Variants in CAMK1D observed in about 807,000 individuals in gnomAD.
The protein encoded by CAMK1D is calcium/calmodulin dependent protein kinase ID.
CAMK1D carries 9 observed loss-of-function variants against 47.7 expected under a neutral mutation model. The observed-to-expected ratio is 0.19, with a 90% confidence interval of 0.11 to 0.33. The LOEUF is 0.33. CAMK1D is among the 10% of genes least tolerant of loss of function. The pLI, the probability that CAMK1D is intolerant of heterozygous loss-of-function variation, is 1.00. For synonymous variants in CAMK1D, 184 were observed against 184.9 expected, an observed-to-expected ratio of 0.99 and a Z score of 0.04; for missense variants, 291 against 488.7, an observed-to-expected ratio of 0.60 and a Z score of 3.81.
At chr10:12,435,626 C>CAGGCTT (rs1461716948) in intron 1 of CAMK1D, among the ~76,000 whole-genome samples, 1 of 152,150 alleles carries the variant, frequency 6.6e-6, no homozygotes, top group Non-Finnish European at 1.5e-5. Flanking sequence ...TGGTCATCTC[C>CAGGCTT]AGGCTTTTCC....
At chr10:12,398,338 G>C (rs1588441840) in intron 1 of CAMK1D, among the ~76,000 whole-genome samples, 1 of 152,000 alleles carries the variant, frequency 6.6e-6, no homozygotes, top group Non-Finnish European at 1.5e-5. Flanking sequence ...TATTTTCAAA[G>C]CTTCTTGTAT....
intron 1 of CAMK1D, among the ~76,000 whole-genome samples, chr10:12,525,232 G>T (rs1386885037): frequency 6.6e-6 from 1 of 152,150 alleles, no homozygotes; most frequent in South Asian, 2.1e-4. Flanking sequence ...TTTTGCTTGG[G>T]ATTTGATGAA....
At chr10:12,508,442 G>A (rs1332293660) in intron 1 of CAMK1D, among the ~76,000 whole-genome samples, 1 of 152,214 alleles carries the variant, frequency 6.6e-6, no homozygotes, top group East Asian at 1.9e-4. Flanking sequence ...CAGGTACCCA[G>A]AATAGACAAC....
At chr10:12,791,831 T>C (rs943911145) in intron 6 of CAMK1D, among the ~76,000 whole-genome samples, 1 of 152,220 alleles carries the variant, frequency 6.6e-6, no homozygotes, top group African/African-American at 2.4e-5. Flanking sequence ...GGGGTTTCTA[T>C]CTAGAAGTGG....
chr10:12,485,804 C>T (rs1834196190), intron 1 of CAMK1D, among the ~76,000 whole-genome samples: 2 of 152,228 alleles, frequency 1.3e-5, no homozygotes, highest in East Asian at 3.9e-4. Context: ...ATTTTTTTCC[C>T]AGCATATTAA....
chr10:12,817,188 G>A (rs1832834936), intron 8 of CAMK1D, among the ~76,000 whole-genome samples: 1 of 152,220 alleles, frequency 6.6e-6, no homozygotes, highest in Non-Finnish European at 1.5e-5. Flanking sequence ...GGGAATTCAA[G>A]ATGAGATTTG....
intron 1 of CAMK1D, among the ~76,000 whole-genome samples, chr10:12,446,970 A>G (rs184164863): frequency 3.9e-5 from 6 of 152,314 alleles, no homozygotes; most frequent in African/African-American, 1.4e-4. Context: ...GAGTGTCCCA[A>G]CTGGCAGCTT....
chr10:12,727,334 G>A (rs536121045), intron 3 of CAMK1D, among the ~76,000 whole-genome samples: 37 of 152,300 alleles, frequency 2.4e-4, no homozygotes, highest in African/African-American at 8.7e-4. Context: ...AATCATTTAG[G>A]GCAAAGCAGG....
chr10:12,583,782 G>T (rs1267823644), intron 2 of CAMK1D, among the ~76,000 whole-genome samples: 1 of 151,954 alleles, frequency 6.6e-6, no homozygotes, highest in African/African-American at 2.4e-5. Flanking sequence ...TGTATTTTTA[G>T]TAGAGATGGG....
At chr10:12,389,530 G>A (rs1362938631) in intron 1 of CAMK1D, among the ~76,000 whole-genome samples, 1 of 152,082 alleles carries the variant, frequency 6.6e-6, no homozygotes, top group East Asian at 1.9e-4. Context: ...CCTAGTTACT[G>A]TGCCTCTCTG....
At chr10:12,747,612 GC>G (rs1276069160) in intron 3 of CAMK1D, among the ~76,000 whole-genome samples, 1 of 152,180 alleles carries the variant, frequency 6.6e-6, no homozygotes, top group African/African-American at 2.4e-5. Flanking sequence ...ATAGGCATGA[GC>G]CACTGCACCT....
chr10:12,692,862 A>G (rs1318093113), intron 3 of CAMK1D, among the ~76,000 whole-genome samples: 1 of 152,232 alleles, frequency 6.6e-6, no homozygotes, highest in Non-Finnish European at 1.5e-5. Flanking sequence ...AATAGGAATT[A>G]GCAGTGAATA....
At chr10:12,615,677 GTA>G (rs1838771417) in intron 2 of CAMK1D, among the ~76,000 whole-genome samples, 2 of 147,060 alleles carry the variant, frequency 1.4e-5, no homozygotes, top group Non-Finnish European at 1.5e-5. Flanking sequence ...GTGTATTTGT[GTA>G]TAGGTGTGTG....
chr10:12,764,206 C>G (rs1227481501), intron 4 of CAMK1D, among the ~76,000 whole-genome samples: 2 of 152,020 alleles, frequency 1.3e-5, no homozygotes. Context: ...CATGGTGAAA[C>G]CCCATCTCTA....
chr10:12,669,445 G>A (rs554030900), intron 3 of CAMK1D, among the ~76,000 whole-genome samples: 1 of 152,110 alleles, frequency 6.6e-6, no homozygotes, highest in African/African-American at 2.4e-5. Flanking sequence ...AGTTCAGAAG[G>A]TTTATTTATA....
Position 12,709,003 on chromosome 10 carries a change from C to T in CAMK1D, c.299+42193C>T, listed in dbSNP as rs191471884. On this transcript the variant is annotated intron_variant, in intron 3 of 10. Coordinates refer to ENST00000619168, the MANE Select transcript of CAMK1D (RefSeq NM_153498.4). ...TCAGCCAAGGGAGCAGGCACCCATG[C>T]CCTGGGGCCTGAACTGTGGCATGGG... Among the ~76,000 whole-genome samples, 843 of 152,314 alleles carry T rather than the reference C, an allele frequency of 5.5e-3. 8 individuals are homozygous for T. Among genetic ancestry groups the T allele is most frequent in the African/African-American group, 0.018 (764 of 41,568 alleles).
intron 1 of CAMK1D, among the ~76,000 whole-genome samples, chr10:12,494,230 TAGA>T (rs1343508597): frequency 6.6e-6 from 1 of 152,186 alleles, no homozygotes; most frequent in African/African-American, 2.4e-5. Context: ...AGAGAAATGC[TAGA>T]AGAAGCTTAA....
chr10:12,432,162 A>G lies in CAMK1D; in HGVS notation c.92+82252A>G, dbSNP rs564881209. Among the ~76,000 whole-genome samples, 19 of 152,306 alleles carry G rather than the reference A, an allele frequency of 1.2e-4. No homozygotes were observed. In the South Asian group the frequency reaches 3.3e-3, roughly 27 times the overall value. ...TGGGAGCTCTAATTTGCCTTTGGAGATGGTGATAGGGAGAGTGGGAATCAT... is the reference window on the plus strand; with the variant it reads ...TGGGAGCTCTAATTTGCCTTTGGAGGTGGTGATAGGGAGAGTGGGAATCAT... On this transcript the variant is annotated intron_variant, in intron 1 of 10. Coordinates refer to ENST00000619168, the MANE Select transcript of CAMK1D (RefSeq NM_153498.4).
At chr10:12,696,348 C>G (rs925425970) in intron 3 of CAMK1D, among the ~76,000 whole-genome samples, 2 of 152,034 alleles carry the variant, frequency 1.3e-5, no homozygotes, top group Non-Finnish European at 2.9e-5. Flanking sequence ...ATCAGCCTGA[C>G]CAACAAGGCG....
Sources: gnomAD v4.1 joint callset for allele counts (sites outside exome capture counted in the v4.1 genomes callset) on GRCh38, gnomAD v4.1.1 for gene constraint, MANE v1.5 for transcripts, NCBI Gene and HGNC (gene_info 2026-07-23, HGNC 2026-07-21) for gene names.